Variants in CAMK1D observed in about 807,000 individuals in gnomAD.
CAMK1D encodes calcium/calmodulin-dependent protein kinase type 1D.
In CAMK1D, 9 loss-of-function variants were observed where a neutral mutation model predicts 47.7. The ratio of observed to expected loss-of-function variants is 0.19; its 90% CI spans 0.11 to 0.33. CAMK1D has a LOEUF of 0.33. CAMK1D is among the 10% of genes least tolerant of loss of function. The pLI is 1.00. For synonymous variants in CAMK1D, 184 were observed against 184.9 expected, an observed-to-expected ratio of 0.99 and a Z score of 0.04; for missense variants, 291 against 488.7, an observed-to-expected ratio of 0.60 and a Z score of 3.81.
intron 3 of CAMK1D, among the ~76,000 whole-genome samples, chr10:12,757,332 A>T (rs1036365854): frequency 1.3e-5 from 2 of 152,116 alleles, no homozygotes; most frequent in Non-Finnish European, 2.9e-5. Flanking sequence ...TTCCCCAATC[A>T]CTTGACCCCT....
intron 2 of CAMK1D, among the ~76,000 whole-genome samples, chr10:12,601,513 G>T (rs554345988): frequency 3.3e-5 from 5 of 152,136 alleles, no homozygotes; most frequent in Non-Finnish European, 7.4e-5. Context: ...GTCCAGGCTG[G>T]AGTGCAATGG....
At chr10:12,497,566 T>A (rs1834579954) in intron 1 of CAMK1D, among the ~76,000 whole-genome samples, 1 of 152,198 alleles carries the variant, frequency 6.6e-6, no homozygotes, top group African/African-American at 2.4e-5. Flanking sequence ...GTGTGTTCCC[T>A]TATAGCAATA....
chr10:12,522,452 G>A (rs1218269434), intron 1 of CAMK1D, among the ~76,000 whole-genome samples: 4 of 146,754 alleles, frequency 2.7e-5, no homozygotes, highest in Admixed American at 1.4e-4. Context: ...ATCTTGCACC[G>A]CCCTTAATCC....
chr10:12,702,710 G>C (rs531090293), intron 3 of CAMK1D, among the ~76,000 whole-genome samples: 1 of 152,198 alleles, frequency 6.6e-6, no homozygotes, highest in Non-Finnish European at 1.5e-5. Context: ...TTATAGCCTC[G>C]TGGCCATGAG....
chr10:12,426,800 C>T (rs1196417592), intron 1 of CAMK1D, among the ~76,000 whole-genome samples: 1 of 152,050 alleles, frequency 6.6e-6, no homozygotes, highest in Non-Finnish European at 1.5e-5. Flanking sequence ...CTGCAACCTC[C>T]ACCTCCGGGG....
chr10:12,392,018 A>ACACAC (rs1383103500), intron 1 of CAMK1D, among the ~76,000 whole-genome samples: 30 of 95,794 alleles, frequency 3.1e-4, no homozygotes, highest in African/African-American at 1.2e-4. Flanking sequence ...CACACACACA[A>ACACAC]ACAGTCTGGG....
chr10:12,586,706 CTT>C (rs1358227249), intron 2 of CAMK1D, among the ~76,000 whole-genome samples: 1 of 151,958 alleles, frequency 6.6e-6, no homozygotes, highest in Non-Finnish European at 1.5e-5. Flanking sequence ...TTGCTCACCT[CTT>C]GTCTGTTGTT....
At chr10:12,502,680 G>T (rs1026553853) in intron 1 of CAMK1D, among the ~76,000 whole-genome samples, 1 of 152,214 alleles carries the variant, frequency 6.6e-6, no homozygotes, top group Admixed American at 6.5e-5. Flanking sequence ...TTTAGCCATG[G>T]CCACTCTCGT....
intron 1 of CAMK1D, among the ~76,000 whole-genome samples, chr10:12,366,496 A>T (rs1353245052): frequency 7.4e-6 from 1 of 135,180 alleles, no homozygotes; most frequent in Non-Finnish European, 1.7e-5. Context: ...GTCTACTAAA[A>T]ATAAAAAAAA....
intron 1 of CAMK1D, among the ~76,000 whole-genome samples, chr10:12,446,602 C>T (rs567287680): frequency 6.6e-6 from 1 of 152,204 alleles, no homozygotes; most frequent in African/African-American, 2.4e-5. Flanking sequence ...TCATTTTACC[C>T]AGTCCCTACT....
chr10:12,388,101 C>G (rs1019573402), intron 1 of CAMK1D, among the ~76,000 whole-genome samples: 1 of 152,116 alleles, frequency 6.6e-6, no homozygotes, highest in East Asian at 1.9e-4. Context: ...CTTCTGGGAT[C>G]GTCTCCAGAA....
chr10:12,624,062 G>T (rs1839129991), intron 2 of CAMK1D, among the ~76,000 whole-genome samples: 1 of 152,182 alleles, frequency 6.6e-6, no homozygotes, highest in Non-Finnish European at 1.5e-5. Flanking sequence ...CTGGGTGACA[G>T]ATTGAGACTC....
At chr10:12,512,299 G>A (rs41336744) in intron 1 of CAMK1D, among the ~76,000 whole-genome samples, 28,796 of 152,180 alleles carry the variant, frequency 0.19, 3,338 homozygotes, top group South Asian at 0.27. Flanking sequence ...TGATTCGTTG[G>A]GGAGAAGTTA....
At chr10:12,488,617 A>G (rs1834284656) in intron 1 of CAMK1D, among the ~76,000 whole-genome samples, 1 of 152,154 alleles carries the variant, frequency 6.6e-6, no homozygotes, top group Non-Finnish European at 1.5e-5. Context: ...ATATATAACG[A>G]GATAATTCTA....
chr10:12,566,688 C>A (rs1837135410), intron 2 of CAMK1D, among the ~76,000 whole-genome samples: 1 of 152,220 alleles, frequency 6.6e-6, no homozygotes, highest in African/African-American at 2.4e-5. Context: ...GAATTCAGAA[C>A]TCTTTCCACA....
At chr10:12,632,061 A>G (rs1436428524) in intron 2 of CAMK1D, among the ~76,000 whole-genome samples, 2 of 152,180 alleles carry the variant, frequency 1.3e-5, no homozygotes, top group African/African-American at 4.8e-5. Context: ...TCTGTGCTGA[A>G]TGAAGGCCCC....
At chr10:12,605,865 G>C (rs548153981) in intron 2 of CAMK1D, among the ~76,000 whole-genome samples, 1 of 152,182 alleles carries the variant, frequency 6.6e-6, no homozygotes. Context: ...GCCTCTCCCC[G>C]GGGCCTGTGG....
At chr10:12,431,926 G>A (rs997913770) in intron 1 of CAMK1D, among the ~76,000 whole-genome samples, 1 of 152,184 alleles carries the variant, frequency 6.6e-6, no homozygotes, top group Non-Finnish European at 1.5e-5. Context: ...TTTCCCTTTT[G>A]GCCATGCGGC....
At chr10:12,357,225 G>A (rs1420013472) in intron 1 of CAMK1D, among the ~76,000 whole-genome samples, 1 of 151,894 alleles carries the variant, frequency 6.6e-6, no homozygotes. Context: ...AGGCTGGAGC[G>A]CAGTGGTCCA....
Sources: gnomAD v4.1 joint callset for allele counts (sites outside exome capture counted in the v4.1 genomes callset) on GRCh38, gnomAD v4.1.1 for gene constraint, MANE v1.5 for transcripts, NCBI Gene and HGNC (gene_info 2026-07-23, HGNC 2026-07-21) for gene names.